Variants in ZMYM4 observed in about 807,000 individuals in gnomAD.
ZMYM4 encodes the protein zinc finger MYM-type containing 4, also known as zinc finger MYM-type protein 4.
A neutral mutation model predicts 183.2 loss-of-function variants in ZMYM4; 31 were observed. The ratio of observed to expected loss-of-function variants is 0.17; its 90% CI spans 0.13 to 0.23. The LOEUF (loss-of-function observed/expected upper bound fraction) is 0.23, where lower values mean the gene tolerates loss of function less well. Ranked by LOEUF, ZMYM4 falls within the 10% of genes least tolerant of loss-of-function variation. ZMYM4 has a pLI of 1.00. For synonymous variants in ZMYM4, 592 were observed against 631.2 expected (o/e 0.94, Z 0.93); for missense variants, 1,273 against 1,840.3 (o/e 0.69, Z 5.64).
Position 35,299,931 on chromosome 1 carries a change from A to C in ZMYM4, c.40-25429A>C, listed in dbSNP as rs535389681. 5.3e-5 allele frequency among the ~76,000 whole-genome samples: 8 copies of C among 152,028 alleles called. No homozygotes were observed. In the South Asian group the frequency reaches 1.7e-3, roughly 32 times the overall value. ...TGCCGCAGCCTACAGAGTAGCTGGG[A>C]CTACAGGCGCCTGCCACCACGCCTG... On this transcript the variant is annotated intron_variant, in intron 1 of 29. Transcript: ENST00000314607.
intron 1 of ZMYM4, among the ~76,000 whole-genome samples, chr1:35,320,999 A>G (rs547795467): frequency 7.9e-5 from 12 of 152,286 alleles, no homozygotes; most frequent in African/African-American, 1.9e-4. Flanking sequence ...AGGTCTTTAT[A>G]TAAAGCGCTC....
At chr1:35,274,616 T>A (rs200032520) in intron 1 of ZMYM4, among the ~76,000 whole-genome samples, 7,967 of 134,536 alleles carry the variant, frequency 0.059, 729 homozygotes, top group African/African-American at 0.19. Flanking sequence ...TTTTTTTTTT[T>A]AAAAAAAAAA....
intron 1 of ZMYM4, among the ~76,000 whole-genome samples, chr1:35,323,325 G>A (rs954212074): frequency 1.3e-5 from 2 of 152,014 alleles, no homozygotes; most frequent in South Asian, 4.2e-4. Flanking sequence ...GAAGAGTTCT[G>A]CTGTCAAGGG....
chr1:35,356,649 A>G (rs1643829754), intron 2 of ZMYM4, among the ~76,000 whole-genome samples: 1 of 152,112 alleles, frequency 6.6e-6, no homozygotes, highest in African/African-American at 2.4e-5. Flanking sequence ...TATTTTTTCT[A>G]GCTCTGTGAG....
chr1:35,366,641 A>G (rs1177000471), intron 5 of ZMYM4, among the ~76,000 whole-genome samples: 1 of 152,230 alleles, frequency 6.6e-6, no homozygotes, highest in Non-Finnish European at 1.5e-5. Context: ...AAAAGTACTT[A>G]TATCAAATAC....
intron 1 of ZMYM4, among the ~76,000 whole-genome samples, chr1:35,270,065 A>G (rs538474036): frequency 6.6e-6 from 1 of 152,300 alleles, no homozygotes; most frequent in East Asian, 1.9e-4. Context: ...TAATGATGCT[A>G]CAGCTGATGT....
chr1:35,380,911 G>T (rs1012019788), intron 7 of ZMYM4, among the ~76,000 whole-genome samples: 1 of 152,198 alleles, frequency 6.6e-6, no homozygotes, highest in Middle Eastern at 3.4e-3. Context: ...ATTTTTTAAA[G>T]AATATTTTGA....
intron 23 of ZMYM4, among the ~76,000 whole-genome samples, chr1:35,403,713 C>A (rs1476986350): frequency 1.5e-5 from 2 of 137,328 alleles, no homozygotes; most frequent in Non-Finnish European, 3.0e-5. Flanking sequence ...TGTATAATTT[C>A]TTTAACTATG....
chr1:35,281,661 AATAT>A (rs56216613), intron 1 of ZMYM4, among the ~76,000 whole-genome samples: 10,169 of 147,828 alleles, frequency 0.069, 719 homozygotes, highest in East Asian at 0.25. Context: ...TCATATAATA[AATAT>A]ATATATATAT....
intron 5 of ZMYM4, among the ~76,000 whole-genome samples, chr1:35,368,425 CTT>C (rs1179561798): frequency 3.3e-5 from 5 of 151,998 alleles, no homozygotes; most frequent in East Asian, 3.9e-4. Context: ...AAAATTTTAA[CTT>C]AACGTACATA....
chr1:35,414,670 T>C (rs971462793), intron 27 of ZMYM4, among the ~76,000 whole-genome samples: 5 of 152,242 alleles, frequency 3.3e-5, no homozygotes, highest in Non-Finnish European at 1.5e-5. Context: ...TTGCAATCTA[T>C]GAGCTAAAAA....
intron 1 of ZMYM4, among the ~76,000 whole-genome samples, chr1:35,289,522 G>A (rs144684585): frequency 0.011 from 1,696 of 152,060 alleles, 11 homozygotes; most frequent in Non-Finnish European, 0.019. Context: ...GAAGGAGGAA[G>A]CTATTATTTC....
intron 1 of ZMYM4, among the ~76,000 whole-genome samples, chr1:35,293,539 A>C (rs1207431369): frequency 6.6e-6 from 1 of 150,688 alleles, no homozygotes; most frequent in Non-Finnish European, 1.5e-5. Flanking sequence ...CTGATGTTGA[A>C]CTCCTGACCT....
intron 2 of ZMYM4, among the ~76,000 whole-genome samples, chr1:35,353,666 AT>A (rs1395279042): frequency 5.9e-5 from 9 of 152,310 alleles, no homozygotes; most frequent in African/African-American, 2.2e-4. Flanking sequence ...TTCTCTTGAT[AT>A]AAGCTCTGAG....
At chr1:35,367,430 T>C (rs944008592) in intron 5 of ZMYM4, among the ~76,000 whole-genome samples, 3 of 151,316 alleles carry the variant, frequency 2.0e-5, no homozygotes, top group South Asian at 2.2e-4. Context: ...GGTTTCACCA[T>C]GTTGGCCAGG....
At chr1:35,354,110 C>G (rs1057187653) in intron 2 of ZMYM4, among the ~76,000 whole-genome samples, 1 of 152,034 alleles carries the variant, frequency 6.6e-6, no homozygotes, top group Non-Finnish European at 1.5e-5. Context: ...GGTCATGCCA[C>G]TGCACTCCAG....
intron 2 of ZMYM4, among the ~76,000 whole-genome samples, chr1:35,352,448 C>A (rs1024404233): frequency 1.3e-5 from 2 of 150,700 alleles, no homozygotes; most frequent in Non-Finnish European, 2.9e-5. Flanking sequence ...AAACAAAAAC[C>A]TCTATTAAGG....
At chr1:35,288,400 G>A (rs1190120954) in intron 1 of ZMYM4, among the ~76,000 whole-genome samples, 7 of 152,156 alleles carry the variant, frequency 4.6e-5, no homozygotes, top group South Asian at 2.1e-4. Context: ...TTCCTGTGGC[G>A]AAAGGCAGCT....
intron 7 of ZMYM4, among the ~76,000 whole-genome samples, chr1:35,373,030 A>G (rs1644248709): frequency 6.6e-6 from 1 of 152,184 alleles, no homozygotes; most frequent in Non-Finnish European, 1.5e-5. Flanking sequence ...CTGGTGGCAC[A>G]TGCCCATAAT....
Sources: gnomAD v4.1 joint callset for allele counts (sites outside exome capture counted in the v4.1 genomes callset) on GRCh38, gnomAD v4.1.1 for gene constraint, MANE v1.5 for transcripts, NCBI Gene and HGNC (gene_info 2026-07-23, HGNC 2026-07-21) for gene names.